Variants in DAB1 observed in about 807,000 individuals in gnomAD.
DAB1 encodes DAB adaptor protein 1, also known as disabled homolog 1.
DAB1 carries 15 observed loss-of-function variants against 64.6 expected under a neutral mutation model. The observed-to-expected ratio is 0.23, with a 90% confidence interval of 0.16 to 0.36. DAB1 has a LOEUF of 0.36. DAB1 is among the 10% of genes least tolerant of loss of function. The probability of loss-of-function intolerance (pLI) is 1.00; values close to 1 mark genes in which losing one functional copy is unlikely to be tolerated. For missense variants in DAB1, 596 were observed against 706.7 expected, an observed-to-expected ratio of 0.84 and a Z score of 1.78; for synonymous variants, 235 against 251.9, an observed-to-expected ratio of 0.93 and a Z score of 0.64.
intron 2 of DAB1, among the ~76,000 whole-genome samples, chr1:57,158,677 T>C (rs1270583558): frequency 6.6e-6 from 1 of 152,186 alleles, no homozygotes; most frequent in African/African-American, 2.4e-5. Context: ...CAAATAATTA[T>C]GTATGCTGGC....
chr1:57,156,096 T>C (rs1462165513), intron 2 of DAB1, among the ~76,000 whole-genome samples: 1 of 152,172 alleles, frequency 6.6e-6, no homozygotes, highest in Non-Finnish European at 1.5e-5. Flanking sequence ...TACACATATA[T>C]ATCACTTAAA....
At chr1:57,055,141 T>C (rs1649619759) in intron 9 of DAB1, among the ~76,000 whole-genome samples, 1 of 152,246 alleles carries the variant, frequency 6.6e-6, no homozygotes, top group Non-Finnish European at 1.5e-5. Flanking sequence ...CATAAAAATG[T>C]ACCTATGTGT....
chr1:58,324,827 T>A (rs978830362), intron 4 of DAB1, among the ~76,000 whole-genome samples: 1 of 152,014 alleles, frequency 6.6e-6, no homozygotes, highest in African/African-American at 2.4e-5. Flanking sequence ...TCAGAATATA[T>A]CCCCCTACCT....
chr1:57,119,467 C>A (rs1340389238), intron 4 of DAB1, among the ~76,000 whole-genome samples: 1 of 152,064 alleles, frequency 6.6e-6, no homozygotes, highest in African/African-American at 2.4e-5. Context: ...TTATCAATTA[C>A]CCTGACAGTT....
intron 3 of DAB1, among the ~76,000 whole-genome samples, chr1:58,483,374 A>G (rs891428377): frequency 1.3e-5 from 2 of 152,166 alleles, no homozygotes; most frequent in Non-Finnish European, 2.9e-5. Flanking sequence ...AGGGACTTGT[A>G]GTCAGATGCG....
intron 2 of DAB1, among the ~76,000 whole-genome samples, chr1:57,173,597 C>T (rs1662006485): frequency 6.6e-6 from 1 of 152,122 alleles, no homozygotes; most frequent in Non-Finnish European, 1.5e-5. Context: ...GATACTCAAC[C>T]TTTACATTCT....
chr1:57,502,152 C>A (rs373511371), intron 7 of DAB1, among the ~76,000 whole-genome samples: 2 of 151,804 alleles, frequency 1.3e-5, no homozygotes, highest in Admixed American at 6.6e-5. Flanking sequence ...AACCCCGTCT[C>A]TACTGAAAAA....
chr1:57,995,456 A>T (rs1283064276), intron 5 of DAB1, among the ~76,000 whole-genome samples: 7 of 152,188 alleles, frequency 4.6e-5, no homozygotes, highest in African/African-American at 1.7e-4. Flanking sequence ...AATGCAAAAA[A>T]ATTTGGCAAC....
intron 4 of DAB1, among the ~76,000 whole-genome samples, chr1:58,241,984 G>T (rs1479088909): frequency 1.3e-5 from 2 of 152,008 alleles, no homozygotes; most frequent in Admixed American, 6.6e-5. Context: ...ACCCATAAAA[G>T]TTAAATCATC....
At chr1:57,970,500 C>T (rs1022193143) in intron 5 of DAB1, among the ~76,000 whole-genome samples, 1 of 152,028 alleles carries the variant, frequency 6.6e-6, no homozygotes, top group Admixed American at 6.6e-5. Flanking sequence ...TAATTTAAAA[C>T]ATGAGAAAAG....
intron 6 of DAB1, among the ~76,000 whole-genome samples, chr1:57,795,690 G>GATTTTATATAT (rs1270547155): frequency 2.5e-4 from 17 of 69,096 alleles, no homozygotes; most frequent in African/African-American, 9.5e-4. Context: ...TATGCTTGGA[G>GATTTTATATAT]ATATATATAT....
At chr1:57,780,806 T>C (rs1316345910) in intron 6 of DAB1, among the ~76,000 whole-genome samples, 1 of 150,726 alleles carries the variant, frequency 6.6e-6, no homozygotes, top group Non-Finnish European at 1.5e-5. Flanking sequence ...CAGGCTGGAG[T>C]GCAGTGGCAC....
chr1:58,374,633 T>C (rs1190863723), intron 3 of DAB1, among the ~76,000 whole-genome samples: 3 of 131,466 alleles, frequency 2.3e-5, no homozygotes, highest in Non-Finnish European at 4.9e-5. Context: ...AGCTTTGTTC[T>C]TTTGGCTTAG....
chr1:58,477,258 C>T (rs917253008), intron 3 of DAB1, among the ~76,000 whole-genome samples: 7 of 152,072 alleles, frequency 4.6e-5, no homozygotes, highest in Admixed American at 1.3e-4. Flanking sequence ...ACCTTGTAAA[C>T]GCTAAAGCAA....
intron 5 of DAB1, among the ~76,000 whole-genome samples, chr1:57,951,250 T>C (rs1425597783): frequency 6.8e-6 from 1 of 146,178 alleles, no homozygotes; most frequent in East Asian, 2.0e-4. Context: ...GGATAGACAT[T>C]GGGGGGTGAG....
At chr1:57,174,930 T>C (rs1481094228) in intron 2 of DAB1, among the ~76,000 whole-genome samples, 1 of 152,200 alleles carries the variant, frequency 6.6e-6, no homozygotes, top group Non-Finnish European at 1.5e-5. Context: ...GGAAGTTATT[T>C]CTATGAAAAA....
chr1:58,354,143 A>G (rs4244015), intron 3 of DAB1, among the ~76,000 whole-genome samples: 76,563 of 151,912 alleles, frequency 0.5, 19,290 homozygotes, highest in East Asian at 0.59. Flanking sequence ...TCTGATAGGG[A>G]TGTAATGACG....
intron 2 of DAB1, among the ~76,000 whole-genome samples, chr1:57,250,359 G>T (rs190957816): frequency 1.8e-4 from 27 of 152,264 alleles, no homozygotes; most frequent in African/African-American, 5.8e-4. Context: ...ATGTATTCAG[G>T]TTATAATTAT....
At chr1:57,553,440 A>G (rs868341706) in intron 7 of DAB1, among the ~76,000 whole-genome samples, 384 of 6,708 alleles carry the variant, frequency 0.057, 13 homozygotes, top group Admixed American at 0.24. Context: ...GAAAGAAAGA[A>G]AGAGAAAGAA....
Sources: allele counts gnomAD v4.1 joint callset (sites outside exome capture counted in the v4.1 genomes callset), GRCh38; gene constraint gnomAD v4.1.1; transcripts MANE v1.5; gene names NCBI Gene and HGNC (gene_info 2026-07-23, HGNC 2026-07-21).